EVA1A: variants seen among roughly 807,000 people sequenced by gnomAD.
The protein encoded by EVA1A is protein eva-1 homolog A.
In EVA1A, 7 loss-of-function variants were observed where a neutral mutation model predicts 9.8. The observed-to-expected ratio is 0.71, with a 90% confidence interval of 0.41 to 1.34. The LOEUF is 1.34. Among genes scored for constraint, EVA1A ranks in the 40% most tolerant of loss-of-function variants. The probability of loss-of-function intolerance (pLI) is 0.01; values close to 1 mark genes in which losing one functional copy is unlikely to be tolerated. For synonymous variants in EVA1A, 90 were observed against 85.6 expected, an observed-to-expected ratio of 1.05 and a Z score of -0.28; for missense variants, 206 against 205.9, an observed-to-expected ratio of 1.00 and a Z score of 0.00.
intron 3 of EVA1A, among the ~76,000 whole-genome samples, chr2:75,494,982 G>A (rs1674156341): frequency 6.6e-6 from 1 of 152,102 alleles, no homozygotes; most frequent in African/African-American, 2.4e-5. Context: ...CAGAATGGGA[G>A]TCTTTGAGTG....
chr2:75,514,616 G>T (rs1674938781), intron 3 of EVA1A, among the ~76,000 whole-genome samples: 1 of 152,056 alleles, frequency 6.6e-6, no homozygotes, highest in Non-Finnish European at 1.5e-5. Context: ...CTATACATAT[G>T]AATATACATA....
intron 3 of EVA1A, among the ~76,000 whole-genome samples, chr2:75,498,378 A>T (rs1386032080): frequency 6.6e-6 from 1 of 152,168 alleles, no homozygotes; most frequent in South Asian, 2.1e-4. Flanking sequence ...CCTATCAGGT[A>T]CTACGCTCAC....
intron 1 of EVA1A, among the ~76,000 whole-genome samples, chr2:75,532,159 CAAAAAA>C (rs543115764): frequency 2.9e-4 from 17 of 57,860 alleles, no homozygotes; most frequent in African/African-American, 8.5e-4. Flanking sequence ...GACTCTGTCT[CAAAAAA>C]AAAAAAAAAA....
At chr2:75,521,261 G>A (rs1453691530) in intron 2 of EVA1A, among the ~76,000 whole-genome samples, 1 of 152,164 alleles carries the variant, frequency 6.6e-6, no homozygotes, top group East Asian at 1.9e-4. Context: ...CAGCCACTGT[G>A]GAAAATAGGA....
intron 2 of EVA1A, chr2:75,518,835 C>T (rs1486552568): frequency 1.0e-6 from 1 of 985,382 alleles, no homozygotes; most frequent in African/African-American, 1.7e-5. Flanking sequence ...CCTCAGGTCA[C>T]TAAATGTGTG....
rs553292124 is a variant in EVA1A at position 75,527,819 on chromosome 2, C to T, written c.-191-5332G>A. On this transcript the variant is annotated intron_variant, in intron 1 of 3. Transcript: ENST00000393913. The stretch of plus-strand genomic sequence containing the variant: ...ACATTGTGAAATTTTGCTCCAAGAA[C>T]CACCACAGGAACATACCAGGGCAAC... 2.0e-5 allele frequency among the ~76,000 whole-genome samples: 3 copies of T among 152,218 alleles called. No homozygotes were observed. In the East Asian group the frequency reaches 5.8e-4, roughly 29 times the overall value.
intron 3 of EVA1A, among the ~76,000 whole-genome samples, chr2:75,512,119 A>G (rs1286487023): frequency 6.6e-6 from 1 of 152,170 alleles, no homozygotes; most frequent in Non-Finnish European, 1.5e-5. Context: ...GAAATAGAAG[A>G]GTGAGCCAGG....
At chr2:75,567,661 A>G (rs999000024) in intron 1 of EVA1A, among the ~76,000 whole-genome samples, 6 of 152,216 alleles carry the variant, frequency 3.9e-5, no homozygotes, top group African/African-American at 9.7e-5. Context: ...CATAGATTTC[A>G]TGGTTGCAAA....
chr2:75,557,223 T>G (rs1322129897), intron 1 of EVA1A, among the ~76,000 whole-genome samples: 2 of 152,180 alleles, frequency 1.3e-5, no homozygotes, highest in Admixed American at 6.5e-5. Context: ...ACAGAGCAAG[T>G]GGCCCAGCGA....
intron 1 of EVA1A, among the ~76,000 whole-genome samples, chr2:75,527,496 C>T (rs79234962): frequency 0.036 from 5,540 of 152,312 alleles, 165 homozygotes; most frequent in East Asian, 0.15. Context: ...ACGAGCCCCA[C>T]ATCTGTGGAG....
At chr2:75,565,534 T>C (rs552292908), upstream of EVA1A, among the ~76,000 whole-genome samples, 6 of 152,272 alleles carry the variant, frequency 3.9e-5, no homozygotes, top group South Asian at 1.0e-3. Flanking sequence ...TGGTAGGATG[T>C]GGGGATTTTC....
chr2:75,558,516 G>T (rs913303397), intron 1 of EVA1A: 7 of 152,246 alleles, frequency 4.6e-5, no homozygotes, highest in African/African-American at 1.7e-4. Context: ...TTAAAAAAAA[G>T]GAGGGGAGAG....
rs878883975 is a variant in EVA1A, at chr2:75,518,263, G to A, written c.-68-55C>T. The A allele has an allele frequency of 5.5e-6, 8 of 1,466,450 alleles. No homozygotes were observed. The East Asian group carries it at 2.0e-4, about 36-fold the overall frequency. The allele number at this position is 1,466,450 out of a possible 1,614,324, so 90.8% of individuals were successfully genotyped here. On this transcript the variant is annotated intron_variant, in intron 2 of 3. Transcript: ENST00000393913. The stretch of plus-strand genomic sequence containing the variant: ...AAACATTCTGCTGTCCTGAGGCCAT[G>A]TTCCAGGTAGCCTGGACTCCTAAAG...
At chr2:75,504,862 T>C (rs1471393393) in intron 3 of EVA1A, among the ~76,000 whole-genome samples, 1 of 152,154 alleles carries the variant, frequency 6.6e-6, no homozygotes, top group Non-Finnish European at 1.5e-5. Context: ...GCTTGAAACC[T>C]AGATAACAGG....
chr2:75,522,906 A>T (rs1675283257), intron 1 of EVA1A, among the ~76,000 whole-genome samples: 1 of 152,198 alleles, frequency 6.6e-6, no homozygotes, highest in Non-Finnish European at 1.5e-5. Flanking sequence ...CCATGAAATG[A>T]AGTCTCACAC....
At chr2:75,551,228 A>G (rs979054578) in intron 1 of EVA1A, among the ~76,000 whole-genome samples, 2 of 152,164 alleles carry the variant, frequency 1.3e-5, no homozygotes, top group African/African-American at 4.8e-5. Flanking sequence ...CTTTTCTTGC[A>G]TGTTACTTTC....
At chr2:75,549,014 T>A (rs865900202) in intron 1 of EVA1A, among the ~76,000 whole-genome samples, 2,631 of 137,550 alleles carry the variant, frequency 0.019, 73 homozygotes, top group African/African-American at 0.071. Flanking sequence ...ATATATTTTT[T>A]TTTTTTTTAC....
At chr2:75,559,038 T>C (rs1205126211) in intron 1 of EVA1A, among the ~76,000 whole-genome samples, 1 of 152,198 alleles carries the variant, frequency 6.6e-6, no homozygotes, top group Non-Finnish European at 1.5e-5. Flanking sequence ...TCAGCCAAAC[T>C]AGAGCAGATA....
At chr2:75,495,530 G>A (rs939223937) in intron 3 of EVA1A, among the ~76,000 whole-genome samples, 13 of 152,132 alleles carry the variant, frequency 8.5e-5, no homozygotes, top group African/African-American at 2.9e-4. Context: ...CTATTTCTGT[G>A]TGCTACTTAT....
Sources: gnomAD v4.1 joint callset for allele counts (sites outside exome capture counted in the v4.1 genomes callset) on GRCh38, gnomAD v4.1.1 for gene constraint, MANE v1.5 for transcripts, NCBI Gene and HGNC (gene_info 2026-07-23, HGNC 2026-07-21) for gene names.